ACIN1: variants seen among roughly 807,000 people sequenced by gnomAD.
ACIN1 encodes the protein apoptotic chromatin condensation inducer in the nucleus.
ACIN1 carries 16 observed loss-of-function variants against 146.6 expected under a neutral mutation model. The observed-to-expected ratio is 0.11, with a 90% CI of 0.07 to 0.17. The LOEUF (loss-of-function observed/expected upper bound fraction) is 0.17, where lower values mean the gene tolerates loss of function less well. Among genes scored for constraint, ACIN1 ranks in the 10% least tolerant of loss-of-function variants. The pLI is 1.00. For synonymous variants in ACIN1, 569 were observed against 582.7 expected (o/e 0.98, Z 0.34); for missense variants, 1,357 against 1,609.3 (o/e 0.84, Z 2.68).
At position 23,078,841 on chromosome 14, in the gene ACIN1, G is replaced by A; in HGVS notation, c.1986C>T (p.Thr662=). The A allele has an allele frequency of 6.2e-7, 1 of 1,612,862 alleles. No homozygotes were observed. The highest frequency in any genetic ancestry group is 8.5e-7 in the Non-Finnish European group (1 of 1,180,008). ...CTACCCGCTCAGGCTGTAACCTCTG[G>A]GTCACATGCTTTTCAGCTGATTCAG... The part of the protein sequence containing the change: ...SQPESAEKHV[T]QRLQPERGSP... The change falls in exon 7 of 19, where the codon ACC becomes ACT. Residue 662 remains threonine, a synonymous_variant. Coordinates refer to ENST00000605057, the MANE Select transcript of ACIN1 (RefSeq NM_001386863.1).
Position 23,059,267 on chromosome 14 carries a change from C to CCCTA in ACIN1, c.3732_3733insTAGG (p.Asp1245Ter). 6.2e-7 allele frequency: 1 copy of CCCTA among 1,610,212 alleles called. No homozygotes were observed. The highest frequency in any genetic ancestry group is 8.5e-7 in the Non-Finnish European group (1 of 1,176,452). ...TCTCGGTCCCTTTCCCTATCCCGAT[C>CCCTA]TCGGTCCCCCCTGTCCCGCTCCCTT... On this transcript the variant is annotated stop_gained and frameshift_variant, in exon 19 of 19. Transcript: ENST00000605057. LOFTEE classifies it high-confidence loss of function.
intron 16 of ACIN1, among the ~76,000 whole-genome samples, 197 bp downstream of exon 16, chr14:23,061,971 C>CAAAAAAAAAAA (rs57962360): frequency 5.9e-4 from 35 of 59,126 alleles, no homozygotes; most frequent in African/African-American, 2.6e-3. Flanking sequence ...GACTCTGTCT[C>CAAAAAAAAAAA]AAAAAAAAAA....
At chr14:23,095,317 G>C, upstream of ACIN1, 1 of 1,567,018 alleles carries the variant, frequency 6.4e-7, no homozygotes, top group Admixed American at 1.8e-5. Flanking sequence ...CATCCGCCCT[G>C]CAGCGCCCCT....
chr14:23,090,010 T>C lies in ACIN1; in HGVS notation c.408A>G (p.Pro136=), dbSNP rs1348496587. The change falls in exon 4 of 19, where the codon CCA becomes CCG. Residue 136 remains proline, a synonymous_variant. Transcript: ENST00000605057. ...PPDFQSSLER[P]ELELSRHSPR... ...GCGAATGTCTGCTGAGCTCCAGCTCTGGTCTCTCCAGGCTGCTCTGAAAGT... is the reference window on the plus strand; with the variant it reads ...GCGAATGTCTGCTGAGCTCCAGCTCCGGTCTCTCCAGGCTGCTCTGAAAGT... 6.2e-7 allele frequency: 1 copy of C among 1,613,324 alleles called. No individual in the cohort carries two copies. Among genetic ancestry groups the C allele is most frequent in the Non-Finnish European group, 8.5e-7 (1 of 1,179,750 alleles).
At chr14:23,069,263 CAAGGA>C (rs1275201809) in intron 9 of ACIN1, 46 of 1,246,000 alleles carry the variant, frequency 3.7e-5, no homozygotes, top group South Asian at 1.6e-4. Context: ...ACTTCCCCAA[CAAGGA>C]AAGGAAAATG....
At position 23,081,856 on chromosome 14, in the gene ACIN1, C is replaced by A; in HGVS notation, c.437-20G>T. On this transcript the variant is annotated intron_variant, in intron 4 of 18. Transcript: ENST00000605057. ...TTTTTCCTATTGAATGAAAAAGAAT[C>A]AAGTCAGATTCATGAAGTGAAGACT... The A allele has an allele frequency of 6.3e-7, 1 of 1,591,300 alleles. No individual in the cohort carries two copies. Among genetic ancestry groups the A allele is most frequent in the Non-Finnish European group, 8.6e-7 (1 of 1,168,240 alleles).
At position 23,071,632 on chromosome 14, in the gene ACIN1, G is replaced by T. The variant is rs1393411256; in HGVS notation, c.2124-2015C>A. On this transcript the variant is annotated intron_variant, in intron 8 of 18. Transcript: ENST00000605057. ...CAGCAGGGGAGGGGAAAGAAAAGAG[G>T]GAGGGAGCTGAGTGAGCAAGGTTCT... The T allele has an allele frequency of 3.5e-6, 5 of 1,432,950 alleles. No individual in the cohort carries two copies. In the East Asian group the frequency reaches 1.3e-4, roughly 36 times the overall value. The allele number at this position is 1,432,950 out of a possible 1,614,324, so 88.8% of individuals were successfully genotyped here.
At chr14:23,091,812 CGGG>C (rs1566760023) in intron 2 of ACIN1, among the ~76,000 whole-genome samples, 16 of 151,998 alleles carry the variant, frequency 1.1e-4, no homozygotes, top group Non-Finnish European at 1.3e-4. Context: ...TTAGTATAGA[CGGG>C]GTTTTGCCAT....
intron 8 of ACIN1, among the ~76,000 whole-genome samples, chr14:23,077,133 T>G (rs919534579): frequency 8.5e-5 from 13 of 152,296 alleles, no homozygotes; most frequent in Non-Finnish European, 1.6e-4. Flanking sequence ...AAAACTATCA[T>G]TAAAGTCACA....
At chr14:23,076,284 T>C (rs2047799628) in intron 8 of ACIN1, among the ~76,000 whole-genome samples, 1 of 151,930 alleles carries the variant, frequency 6.6e-6, no homozygotes, top group Non-Finnish European at 1.5e-5. Context: ...CAGGTACGAG[T>C]GATGTGTGTG....
chr14:23,061,971 C>CAAAAAAAAAAAAAA (rs57962360), intron 16 of ACIN1, among the ~76,000 whole-genome samples, 197 bp downstream of exon 16: 1 of 59,132 alleles, frequency 1.7e-5, no homozygotes, highest in African/African-American at 7.3e-5. Context: ...GACTCTGTCT[C>CAAAAAAAAAAAAAA]AAAAAAAAAA....
Position 23,058,807 on chromosome 14 carries a change from T to C in ACIN1, c.*341A>G, listed in dbSNP as rs905508614. 3.0e-6 allele frequency: 1 copy of C among 328,790 alleles called. No individual in the cohort carries two copies. The highest frequency in any genetic ancestry group is 5.9e-5 in the East Asian group (1 of 17,074). 20.4% of individuals were successfully genotyped at this position (328,790 alleles called of 1,614,324 possible). A position where few individuals can be genotyped will look rare whatever the true frequency, so the allele number is the denominator to read the frequency against. On this transcript the variant is annotated 3_prime_UTR_variant, in exon 19 of 19. Transcript: ENST00000605057. ...CCCGGCTGTTCCCAAGAGAAGGCTG[T>C]AAGTACCCAGGGAGGTGGTAAGCAG...
chr14:23,093,403 A>G, intron 2 of ACIN1, 76 bp downstream of exon 2: 1 of 1,427,326 alleles, frequency 7.0e-7, no homozygotes, highest in Non-Finnish European at 9.8e-7. Context: ...TTAAGCATCA[A>G]ATATACAACA....
Position 23,068,224 on chromosome 14 carries a change from G to A in ACIN1, c.2265+1252C>T. ...GGTCCCACTCAGTGTTTTACAGCATGGCACTGCGATCACAAACTTTAGGAG... is the reference window on the plus strand; with the variant it reads ...GGTCCCACTCAGTGTTTTACAGCATAGCACTGCGATCACAAACTTTAGGAG... On this transcript the variant is annotated intron_variant, in intron 9 of 18. Coordinates refer to ENST00000605057, the MANE Select transcript of ACIN1 (RefSeq NM_001386863.1). The surrounding 1 kb of genome is among the most constrained non-coding windows in gnomAD (Gnocchi z 4.3). 1 of 985,898 alleles carries A rather than the reference G, an allele frequency of 1.0e-6. No individual in the cohort carries two copies. Among genetic ancestry groups the A allele is most frequent in the Non-Finnish European group, 1.2e-6 (1 of 829,960 alleles). 61.1% of individuals were successfully genotyped at this position (985,898 alleles called of 1,614,324 possible). A position where few individuals can be genotyped will look rare whatever the true frequency, so the allele number is the denominator to read the frequency against.
At chr14:23,095,266 C>G, upstream of ACIN1, 2 of 1,600,614 alleles carry the variant, frequency 1.2e-6, no homozygotes, top group East Asian at 2.2e-5. Context: ...CGGATGTCCT[C>G]GGATGTTTCC....
At chr14:23,082,980 C>T (rs1390028891) in intron 4 of ACIN1, among the ~76,000 whole-genome samples, 1 of 151,370 alleles carries the variant, frequency 6.6e-6, no homozygotes, top group Non-Finnish European at 1.5e-5. Context: ...CTCAAGCAAT[C>T]CCCCCGCCTT....
intron 8 of ACIN1, chr14:23,076,490 A>T (rs2047805087): frequency 6.6e-6 from 1 of 152,100 alleles, no homozygotes; most frequent in African/African-American, 2.4e-5. Context: ...GGGACAGGAA[A>T]CTCTATGACT....
intron 8 of ACIN1, among the ~76,000 whole-genome samples, chr14:23,076,250 T>A (rs927243476): frequency 6.6e-6 from 1 of 152,188 alleles, no homozygotes; most frequent in African/African-American, 2.4e-5. Context: ...GAACAACCCA[T>A]GTGATAGGCA....
intron 4 of ACIN1, among the ~76,000 whole-genome samples, chr14:23,085,636 C>T (rs962172732): frequency 6.6e-5 from 10 of 152,084 alleles, no homozygotes; most frequent in Admixed American, 6.6e-4. Context: ...GCGCCTCAGA[C>T]ATGAAACAAG....
Sources: gnomAD v4.1 joint callset for allele counts (sites outside exome capture counted in the v4.1 genomes callset) on GRCh38, gnomAD v4.1.1 for gene constraint, Gnocchi (gnomAD v3.1) non-coding constraint, MANE v1.5 for transcripts, NCBI Gene and HGNC (gene_info 2026-07-23, HGNC 2026-07-21) for gene names.